Variants in SYNE2 observed in about 807,000 individuals in gnomAD.
SYNE2 encodes nesprin-2.
In SYNE2, 431 loss-of-function variants were observed where a neutral mutation model predicts 856.3. The observed-to-expected ratio is 0.50, with a 90% CI of 0.47 to 0.55. SYNE2 has a LOEUF of 0.55. SYNE2 is among the 20% of genes least tolerant of loss of function. The pLI is 0.00. For missense variants in SYNE2, 8,129 were observed against 8,023.2 expected, an observed-to-expected ratio of 1.01 and a Z score of -0.50; for synonymous variants, 2,923 against 2,872.3, an observed-to-expected ratio of 1.02 and a Z score of -0.56.
chr14:63,964,123 C>A, intron 10 of SYNE2, 123 bp downstream of exon 10: 1 of 686,034 alleles, frequency 1.5e-6, no homozygotes, highest in Non-Finnish European at 2.5e-6. Flanking sequence ...AGTTTTAAGG[C>A]TGAATTCTAG....
intron 1 of SYNE2, among the ~76,000 whole-genome samples, chr14:63,845,279 G>A (rs1450099955): frequency 2.0e-5 from 3 of 152,170 alleles, no homozygotes; most frequent in South Asian, 2.1e-4. Context: ...AGCCAGGCAT[G>A]GTGGTGGGCA....
intron 1 of SYNE2, among the ~76,000 whole-genome samples, chr14:63,827,653 A>AAG (rs1555342681): frequency 6.0e-4 from 90 of 148,820 alleles, no homozygotes; most frequent in African/African-American, 2.0e-3. Flanking sequence ...AAAAAAAAAA[A>AAG]AAAGAAAGAA....
In SYNE2 at chr14:64,218,466, A is replaced by G; in HGVS notation, c.19611A>G (p.Pro6537=). 1 of 1,614,174 alleles carries G rather than the reference A, an allele frequency of 6.2e-7. No individual in the cohort carries two copies. Among genetic ancestry groups the G allele is most frequent in the Non-Finnish European group, 8.5e-7 (1 of 1,180,044 alleles). Reference sequence around the variant, plus strand: ...GCCCGCGAGTCCTGAATGGCAACCCACAGCAGGAAGACGGGGGACTGGCCG... The same window carrying G: ...GCCCGCGAGTCCTGAATGGCAACCCGCAGCAGGAAGACGGGGGACTGGCCG... ...KEGPRVLNGN[P]QQEDGGLAGI... Residue 6537 remains proline, a synonymous_variant, in exon 109 of 116, where the codon CCA becomes CCG. Transcript: ENST00000555002.
intron 44 of SYNE2, 33 bp from the exon 45 acceptor site, chr14:64,030,983 A>G: frequency 6.7e-7 from 1 of 1,488,476 alleles, no homozygotes; most frequent in South Asian, 1.1e-5. Flanking sequence ...TGGCAATTGA[A>G]TGGAGATATA....
Position 64,212,913 on chromosome 14 carries a change from A to T in SYNE2, c.18964A>T (p.Ile6322Phe). The stretch of plus-strand genomic sequence containing the variant: ...GAGCGAGCCCCTGGATGCTGTGCTG[A>T]TTGAGGATGAGCTGGAGGAACTCCA... ...QKSEPLDAVL[I>F]EDELEELHRY... Residue 6322 changes from isoleucine to phenylalanine, a missense_variant, in exon 105 of 116, where the codon ATT becomes TTT. Coordinates refer to ENST00000555002, the MANE Select transcript of SYNE2 (RefSeq NM_182914.3). 1 of 1,614,178 alleles carries T rather than the reference A, an allele frequency of 6.2e-7. No individual in the cohort carries two copies. The highest frequency in any genetic ancestry group is 8.5e-7 in the Non-Finnish European group (1 of 1,180,042).
chr14:64,209,439 C>T lies in SYNE2; in HGVS notation c.18401C>T (p.Thr6134Met), dbSNP rs141892009. 1.3e-5 allele frequency: 21 copies of T among 1,614,068 alleles called. No individual in the cohort carries two copies. The highest frequency in any genetic ancestry group is 4.5e-5 in the East Asian group (2 of 44,888). Residue 6134 changes from threonine to methionine, a missense_variant, in exon 102 of 116, where the codon ACG (threonine) becomes ATG (methionine). Coordinates refer to ENST00000555002, the MANE Select transcript of SYNE2 (RefSeq NM_182914.3). ...SMERRMKIEE[T>M]WRLWQKFLDD... The stretch of plus-strand genomic sequence containing the variant: ...TTTGCTCCCATCAGAATCGAGGAGA[C>T]GTGGCGCCTGTGGCAGAAGTTTTTA...
chr14:64,198,442 C>T (rs763859060), intron 99 of SYNE2, among the ~76,000 whole-genome samples: 1 of 152,206 alleles, frequency 6.6e-6, no homozygotes, highest in African/African-American at 2.4e-5. Context: ...CTGTACAGAA[C>T]AGAACGATAC....
In SYNE2 at chr14:64,049,791, T is replaced by C. The variant is rs2097211443; in HGVS notation, c.7558T>C (p.Cys2520Arg). The C allele has an allele frequency of 6.2e-7, 1 of 1,614,050 alleles. No homozygotes were observed. Among genetic ancestry groups the C allele is most frequent in the Non-Finnish European group, 8.5e-7 (1 of 1,180,036 alleles). The change falls in exon 47 of 116, where the codon TGT (cysteine) becomes CGT (arginine). Residue 2520 changes from cysteine (C) to arginine (R), a missense_variant. By Grantham distance (180) the Cys-to-Arg change is radical (BLOSUM62 -3). This residue lies in a region of SYNE2 where 5,410 missense variants were observed against 5,284.8 expected (regional missense o/e 1.02). Transcript: ENST00000555002. ...GAAGAAAAACAAAGAAAGCCAATATTGTGTCCTCAGAGATTTTCAGGAATA... is the reference window on the plus strand; with the variant it reads ...GAAGAAAAACAAAGAAAGCCAATATCGTGTCCTCAGAGATTTTCAGGAATA... ...TLKKNKESQY[C>R]VLRDFQEYLA... is the part of the protein sequence containing the mutation.
rs964393717 is a variant in SYNE2 at position 64,225,898 on chromosome 14, T to C, written c.*372T>C. 7 of 477,640 alleles carry C rather than the reference T, an allele frequency of 1.5e-5. No homozygotes were observed. Among genetic ancestry groups the C allele is most frequent in the African/African-American group, 7.7e-5 (4 of 52,178 alleles). The allele number at this position is 477,640 out of a possible 1,614,324, so 29.6% of individuals were successfully genotyped here. A position where few individuals can be genotyped will look rare whatever the true frequency, so the allele number is the denominator to read the frequency against. ...GCAGTGGTGTCCATCACATATATTA[T>C]AGAAGCAAGCGAGGACATTCCACCC... is the stretch of plus-strand genomic sequence containing the variant. On this transcript the variant is annotated 3_prime_UTR_variant, in exon 116 of 116. Coordinates refer to ENST00000555002, the MANE Select transcript of SYNE2 (RefSeq NM_182914.3).
intron 6 of SYNE2, among the ~76,000 whole-genome samples, chr14:63,947,897 GTGAAGTCGACA>G (rs758391590): frequency 5.3e-5 from 8 of 151,942 alleles, no homozygotes; most frequent in Non-Finnish European, 1.0e-4. Flanking sequence ...ACCTTCACAC[GTGAAGTCGACA>G]TGAAGTCGCC....
At chr14:64,214,018 T>C (rs1414660476) in intron 105 of SYNE2, 176 bp from the exon 106 acceptor site, 1 of 897,852 alleles carries the variant, frequency 1.1e-6, no homozygotes. Context: ...CACTCCAGAT[T>C]GTCTAAACTG....
At chr14:63,842,377 C>T (rs951192367) in intron 1 of SYNE2, among the ~76,000 whole-genome samples, 1 of 151,776 alleles carries the variant, frequency 6.6e-6, no homozygotes, top group Non-Finnish European at 1.5e-5. Flanking sequence ...GTCTCAAACT[C>T]CTGGCCTCAA....
At chr14:64,069,577 T>A (rs1011527347) in intron 51 of SYNE2, among the ~76,000 whole-genome samples, 1 of 152,198 alleles carries the variant, frequency 6.6e-6, no homozygotes, top group Admixed American at 6.5e-5. Context: ...TTCTGATAAA[T>A]GCATCTGAGC....
intron 1 of SYNE2, among the ~76,000 whole-genome samples, chr14:63,833,238 T>A (rs1889733266): frequency 1.3e-5 from 2 of 152,056 alleles, no homozygotes; most frequent in Non-Finnish European, 2.9e-5. Context: ...AAATGTTCTT[T>A]TTCTGAATCA....
At chr14:64,133,867 T>G (rs1358267202) in intron 77 of SYNE2, among the ~76,000 whole-genome samples, 1 of 152,218 alleles carries the variant, frequency 6.6e-6, no homozygotes, top group Non-Finnish European at 1.5e-5. Flanking sequence ...TTTTAAACCT[T>G]GTCCTCAAAG....
intron 59 of SYNE2, among the ~76,000 whole-genome samples, chr14:64,090,490 A>G (rs1161277432): frequency 6.6e-6 from 1 of 152,196 alleles, no homozygotes; most frequent in African/African-American, 2.4e-5. Flanking sequence ...AGGGCCTACT[A>G]TACGGGAAGT....
chr14:64,200,814 T>C (rs1204110876), intron 99 of SYNE2, among the ~76,000 whole-genome samples: 1 of 152,210 alleles, frequency 6.6e-6, no homozygotes, highest in Non-Finnish European at 1.5e-5. Context: ...AGGAAGGTAC[T>C]ACTGTTAACA....
At chr14:64,018,646 G>T (rs865942827) in intron 34 of SYNE2, among the ~76,000 whole-genome samples, 3 of 152,256 alleles carry the variant, frequency 2.0e-5, no homozygotes, top group African/African-American at 7.2e-5. Context: ...TGAAAACAGC[G>T]AGAGACAATA....
chr14:64,100,527 AAAAAATATATATATATAT>A (rs1168312297), intron 63 of SYNE2, among the ~76,000 whole-genome samples: 2 of 66,250 alleles, frequency 3.0e-5, no homozygotes, highest in Non-Finnish European at 5.2e-5. Context: ...AAAAAAAAAA[AAAAAATATATATATATAT>A]ATATATATAT....
Sources: gnomAD v4.1 joint callset for allele counts (sites outside exome capture counted in the v4.1 genomes callset) on GRCh38, gnomAD v4.1.1 for gene constraint, gnomAD v4.1.1 regional missense constraint, MANE v1.5 for transcripts, NCBI Gene and HGNC (gene_info 2026-07-23, HGNC 2026-07-21) for gene names.